The following CRIPTO variants were observed in gnomAD, a reference collection of about 807,000 sequenced individuals.
The protein encoded by CRIPTO is cripto, EGF-CFC family member.
chr3:46,580,981 A>G, the CRIPTO span: 1 of 698,674 alleles, frequency 1.4e-6, no homozygotes, highest in Non-Finnish European at 2.6e-6. Flanking sequence ...TCATTCCTGC[A>G]AGTGAAGGCA....
the CRIPTO span, among the ~76,000 whole-genome samples, chr3:46,575,721 G>T: frequency 6.6e-6 from 1 of 152,112 alleles, no homozygotes; most frequent in Non-Finnish European, 1.5e-5. Flanking sequence ...TGCCAGTTCT[G>T]CCACAGGCCT....
At chr3:46,580,085 T>C in the CRIPTO span, 4 of 1,614,218 alleles carry the variant, frequency 2.5e-6, no homozygotes, top group Non-Finnish European at 3.4e-6. Flanking sequence ...TCCTCTTTCT[T>C]TTGCCCTTTG....
the CRIPTO span, chr3:46,579,256 G>A: frequency 5.4e-5 from 87 of 1,613,950 alleles, no homozygotes; most frequent in Admixed American, 2.0e-4. Context: ...GAATTTGCTC[G>A]TCCATCTCGG....
At chr3:46,579,344 G>A in the CRIPTO span, 1 of 1,614,122 alleles carries the variant, frequency 6.2e-7, no homozygotes, top group Non-Finnish European at 8.5e-7. Context: ...CCCAGCGTGT[G>A]CCGCCCATGG....
At chr3:46,579,939 G>A in the CRIPTO span, 3 of 1,614,198 alleles carry the variant, frequency 1.9e-6, no homozygotes, top group Middle Eastern at 3.3e-4. Context: ...CGCCTTACCT[G>A]TTCATTCTCA....
chr3:46,579,993 G>T, the CRIPTO span: 1 of 1,614,262 alleles, frequency 6.2e-7, no homozygotes, highest in Non-Finnish European at 8.5e-7. Flanking sequence ...TGCCCAAGAA[G>T]TGTTCCCTGT....
chr3:46,575,958 G>C, the CRIPTO span, among the ~76,000 whole-genome samples: 4 of 152,030 alleles, frequency 2.6e-5, no homozygotes, highest in African/African-American at 4.8e-5. Context: ...CCCCACCTCC[G>C]GCCTCCTAGA....
At chr3:46,579,880 C>T in the CRIPTO span, 15 of 1,614,042 alleles carry the variant, frequency 9.3e-6, no homozygotes, top group Admixed American at 1.7e-5. Flanking sequence ...GGCGGGGAGC[C>T]GTGGAGAGGA....
chr3:46,581,221 A>C, the CRIPTO span: 1 of 1,614,036 alleles, frequency 6.2e-7, no homozygotes, highest in Non-Finnish European at 8.5e-7. Flanking sequence ...GCTAGTTGGC[A>C]TCTGCCTTTC....
chr3:46,580,970 C>G, the CRIPTO span, among the ~76,000 whole-genome samples: 1 of 152,222 alleles, frequency 6.6e-6, no homozygotes, highest in Non-Finnish European at 1.5e-5. Context: ...CCAGGTTGTG[C>G]TCATTCCTGC....
the CRIPTO span, chr3:46,581,509 T>TA: frequency 1.7e-6 from 1 of 595,006 alleles, no homozygotes; most frequent in Non-Finnish European, 3.0e-6. Flanking sequence ...GTCCAGTGTT[T>TA]CTTTTTTTTT....
chr3:46,579,530 C>T, the CRIPTO span: 1 of 1,316,884 alleles, frequency 7.6e-7, no homozygotes, highest in Non-Finnish European at 1.1e-6. Context: ...ATTTTACTTC[C>T]CTAGAGTGCA....
the CRIPTO span, chr3:46,581,037 G>A: frequency 2.2e-6 from 2 of 901,198 alleles, no homozygotes; most frequent in South Asian, 1.4e-5. Flanking sequence ...GAGAAGAGCA[G>A]GTTCACAGTA....
At chr3:46,581,605 G>A in the CRIPTO span, 1 of 556,482 alleles carries the variant, frequency 1.8e-6, no homozygotes, top group Admixed American at 3.5e-5. Flanking sequence ...CGCATCCGGG[G>A]TTCAAGCCAT....
chr3:46,580,544 C>G, the CRIPTO span, among the ~76,000 whole-genome samples: 1 of 142,060 alleles, frequency 7.0e-6, no homozygotes, highest in Non-Finnish European at 1.6e-5. Flanking sequence ...CTTACCATGA[C>G]TGGTCACAGA....
the CRIPTO span, chr3:46,581,327 A>G: frequency 1.2e-5 from 13 of 1,086,768 alleles, no homozygotes; most frequent in Non-Finnish European, 1.9e-5. Context: ...TGCTGCTACA[A>G]TGTCCTAACT....
chr3:46,574,911 C>A, the CRIPTO span, among the ~76,000 whole-genome samples: 1 of 152,230 alleles, frequency 6.6e-6, no homozygotes. Context: ...TTTTAATACA[C>A]AATGTCTCAA....
At chr3:46,579,125 C>G in the CRIPTO span, 11 of 1,614,164 alleles carry the variant, frequency 6.8e-6, no homozygotes, top group Non-Finnish European at 9.3e-6. Context: ...TTTCTAAAGT[C>G]TTTGAACTGG....
At chr3:46,577,919 T>C in the CRIPTO span, 1 of 1,595,610 alleles carries the variant, frequency 6.3e-7, no homozygotes, top group Non-Finnish European at 8.6e-7. Context: ...TGGCAATGAC[T>C]CTGAATTAAA....
Sources: gnomAD v4.1 joint callset for allele counts (sites outside exome capture counted in the v4.1 genomes callset) on GRCh38, gnomAD v4.1.1 for gene constraint, MANE v1.5 for transcripts, NCBI Gene and HGNC (gene_info 2026-07-23, HGNC 2026-07-21) for gene names.